Variants in ACBD5 observed in about 807,000 individuals in gnomAD.
The protein encoded by ACBD5 is acyl-CoA-binding domain-containing protein 5.
ACBD5 carries 40 observed loss-of-function variants against 71.8 expected under a neutral mutation model. The observed-to-expected ratio is 0.56, with a 90% confidence interval of 0.43 to 0.72. The LOEUF (loss-of-function observed/expected upper bound fraction) is 0.72, where lower values mean the gene tolerates loss of function less well. ACBD5 is among the 30% of genes least tolerant of loss of function. The pLI is 0.00. For missense variants in ACBD5, 559 were observed against 644.5 expected (o/e 0.87, Z 1.44); for synonymous variants, 229 against 218.6 (o/e 1.05, Z -0.42).
chr10:27,196,924 T>C lies in ACBD5; in HGVS notation c.*506A>G. The C allele has an allele frequency of 2.2e-6, 1 of 454,204 alleles. No homozygotes were observed. Among genetic ancestry groups the C allele is most frequent in the South Asian group, 1.6e-5 (1 of 64,480 alleles). 28.1% of individuals were successfully genotyped at this position (454,204 alleles called of 1,614,324 possible). A position where few individuals can be genotyped will look rare whatever the true frequency, so the allele number is the denominator to read the frequency against. On this transcript the variant is annotated 3_prime_UTR_variant, in exon 13 of 13. Coordinates refer to ENST00000396271, the MANE Select transcript of ACBD5 (RefSeq NM_145698.5). Reference sequence around the variant, plus strand: ...AAAGTGAATATGACCATTCTTCCTGTGGTTTTCTACTACATGCCATGGCAA... The same window carrying C: ...AAAGTGAATATGACCATTCTTCCTGCGGTTTTCTACTACATGCCATGGCAA...
At chr10:27,191,749 T>A (rs572080680), downstream of ACBD5, among the ~76,000 whole-genome samples, 3 of 151,974 alleles carry the variant, frequency 2.0e-5, no homozygotes, top group African/African-American at 7.3e-5. Context: ...GCTGGGTGTG[T>A]GGTGGTGGGT....
In ACBD5 at chr10:27,210,893, G is replaced by A. The variant is rs780084666; in HGVS notation, c.1125C>T (p.Gly375=). The A allele has an allele frequency of 2.5e-6, 4 of 1,614,154 alleles. No individual in the cohort carries two copies. The highest frequency in any genetic ancestry group is 3.4e-6 in the Non-Finnish European group (4 of 1,180,028). The stretch of plus-strand genomic sequence containing the variant: ...GGTGTGGTGCTCCGCTGTTATTCCT[G>A]CCATCTTCTCCTCCATGCTTGACTT... ...KGEVKHGGED[G]RNNSGAPHRE... is the part of the protein sequence containing the mutation. The change falls in exon 9 of 13, where the codon GGC becomes GGT. Residue 375 remains glycine (G), a synonymous_variant. Transcript: ENST00000396271.
chr10:27,209,069 A>G (rs942371354), intron 9 of ACBD5, among the ~76,000 whole-genome samples: 1 of 151,538 alleles, frequency 6.6e-6, no homozygotes, highest in African/African-American at 2.4e-5. Flanking sequence ...TAATAAGGTA[A>G]CCAGACTGAA....
intron 13 of ACBD5, among the ~76,000 whole-genome samples, chr10:27,185,136 GAAGA>G (rs1318541753): frequency 6.6e-6 from 1 of 152,184 alleles, no homozygotes; most frequent in Admixed American, 6.5e-5. Context: ...GGAGCACAGG[GAAGA>G]AAGGGAGAAG....
chr10:27,236,527 A>G (rs1204816856), intron 2 of ACBD5, among the ~76,000 whole-genome samples: 2 of 152,224 alleles, frequency 1.3e-5, no homozygotes, highest in African/African-American at 4.8e-5. Flanking sequence ...CTTTATAACA[A>G]AATTTTAAAA....
intron 8 of ACBD5, among the ~76,000 whole-genome samples, chr10:27,215,120 C>T (rs1242203814): frequency 1.4e-4 from 22 of 152,082 alleles, no homozygotes; most frequent in Middle Eastern, 6.8e-3. Flanking sequence ...CCCGAGATTG[C>T]GCCACTGCAC....
intron 12 of ACBD5, among the ~76,000 whole-genome samples, chr10:27,202,769 C>T (rs1279023225): frequency 2.6e-5 from 4 of 151,948 alleles, no homozygotes; most frequent in Admixed American, 2.6e-4. Flanking sequence ...GTAAACATCT[C>T]CCCATAAGCA....
chr10:27,183,932 G>A (rs2058477727), intron 13 of ACBD5, among the ~76,000 whole-genome samples: 1 of 151,932 alleles, frequency 6.6e-6, no homozygotes, highest in Admixed American at 6.6e-5. Flanking sequence ...GGCTGGTCTC[G>A]AACTCCTGGG....
At chr10:27,187,671 G>A (rs1478119573) in intron 13 of ACBD5, among the ~76,000 whole-genome samples, 1 of 151,154 alleles carries the variant, frequency 6.6e-6, no homozygotes. Flanking sequence ...AGAATCGCTT[G>A]AACCCAGGAG....
chr10:27,233,297 C>T (rs1317826548), intron 3 of ACBD5, among the ~76,000 whole-genome samples: 1 of 151,904 alleles, frequency 6.6e-6, no homozygotes, highest in African/African-American at 2.4e-5. Flanking sequence ...CGTGGTGGCA[C>T]GCGCCTGTAA....
intron 12 of ACBD5, among the ~76,000 whole-genome samples, chr10:27,199,979 A>G (rs1283130995): frequency 1.3e-5 from 2 of 151,772 alleles, no homozygotes; most frequent in African/African-American, 4.8e-5. Flanking sequence ...ACAGAGCAAG[A>G]CTGTCGCAAA....
chr10:27,213,689 G>A (rs887445534), intron 8 of ACBD5, among the ~76,000 whole-genome samples: 2 of 151,924 alleles, frequency 1.3e-5, no homozygotes, highest in African/African-American at 4.8e-5. Flanking sequence ...CCCAGGAGGC[G>A]GAGGTTGCAG....
chr10:27,196,921 C>A lies in ACBD5; in HGVS notation c.*509G>T, dbSNP rs1300324531. ...CACAAAGTGAATATGACCATTCTTC[C>A]TGTGGTTTTCTACTACATGCCATGG... On this transcript the variant is annotated 3_prime_UTR_variant, in exon 13 of 13. Coordinates refer to ENST00000396271, the MANE Select transcript of ACBD5 (RefSeq NM_145698.5). 1 of 454,144 alleles carries A rather than the reference C, an allele frequency of 2.2e-6. No homozygotes were observed. Among genetic ancestry groups the A allele is most frequent in the African/African-American group, 2.0e-5 (1 of 50,132 alleles). The allele number at this position is 454,144 out of a possible 1,614,324, so 28.1% of individuals were successfully genotyped here.
chr10:27,241,720 TA>T (rs79408135), upstream of ACBD5, among the ~76,000 whole-genome samples: 26,836 of 150,442 alleles, frequency 0.18, 2,929 homozygotes, highest in East Asian at 0.32. Context: ...AACCAATAAT[TA>T]AAAAAAAAAA....
chr10:27,228,638 C>A (rs889495260), intron 4 of ACBD5, among the ~76,000 whole-genome samples: 5 of 151,202 alleles, frequency 3.3e-5, no homozygotes, highest in African/African-American at 1.2e-4. Flanking sequence ...TGCATTTCTC[C>A]CACTCCTCAA....
chr10:27,203,275 T>C (rs12241350), intron 12 of ACBD5, among the ~76,000 whole-genome samples: 10,549 of 152,174 alleles, frequency 0.069, 687 homozygotes, highest in African/African-American at 0.17. Flanking sequence ...CATGAGCCAC[T>C]GCACCTGGCA....
chr10:27,218,261 T>A, intron 6 of ACBD5, 78 bp from the exon 7 acceptor site: 1 of 1,164,152 alleles, frequency 8.6e-7, no homozygotes, highest in Non-Finnish European at 1.3e-6. Context: ...AATATCCAGC[T>A]GTTATTTCCC....
chr10:27,237,588 GT>G (rs2064886155), intron 2 of ACBD5, among the ~76,000 whole-genome samples: 1 of 149,832 alleles, frequency 6.7e-6, no homozygotes. Flanking sequence ...TATACTGGAT[GT>G]TGTCCAACAC....
intron 13 of ACBD5, chr10:27,186,833 T>C: frequency 2.7e-6 from 1 of 365,148 alleles, no homozygotes. Flanking sequence ...CTATTGAGAG[T>C]GAGCCACTAG....
Sources: allele counts gnomAD v4.1 joint callset (sites outside exome capture counted in the v4.1 genomes callset), GRCh38; gene constraint gnomAD v4.1.1; transcripts MANE v1.5; gene names NCBI Gene and HGNC (gene_info 2026-07-23, HGNC 2026-07-21).